Variants in KLF12 observed in about 807,000 individuals in gnomAD.
KLF12 encodes KLF transcription factor 12.
Under a neutral mutation model 37.8 loss-of-function variants are expected in KLF12, and 9 were observed. That is an observed-to-expected ratio of 0.24 (90% CI 0.14 to 0.42). The LOEUF (loss-of-function observed/expected upper bound fraction) is 0.42, where lower values mean the gene tolerates loss of function less well. KLF12 is among the 10% of genes least tolerant of loss of function. The probability of loss-of-function intolerance (pLI) is 1.00; values close to 1 mark genes in which losing one functional copy is unlikely to be tolerated. For missense variants in KLF12, 411 were observed against 516.0 expected (o/e 0.80, Z 1.97); for synonymous variants, 208 against 202.1 (o/e 1.03, Z -0.25).
the KLF12 span, among the ~76,000 whole-genome samples, chr13:74,150,194 C>T: frequency 2.0e-5 from 3 of 152,006 alleles, no homozygotes; most frequent in East Asian, 1.9e-4. Flanking sequence ...AGTTGATGCT[C>T]AATATATATC....
chr13:73,719,924 A>G (rs1876111662), intron 6 of KLF12, among the ~76,000 whole-genome samples: 3 of 152,114 alleles, frequency 2.0e-5, no homozygotes, highest in Admixed American at 2.0e-4. Flanking sequence ...AATGCTACAC[A>G]AAGTGGCTAG....
chr13:74,126,530 C>A (rs1406172944), intron 1 of KLF12, among the ~76,000 whole-genome samples: 1 of 152,112 alleles, frequency 6.6e-6, no homozygotes, highest in Middle Eastern at 3.2e-3. Flanking sequence ...TCACTTTCAG[C>A]ACATCTAATG....
chr13:73,827,301 A>G (rs561426294), intron 4 of KLF12, among the ~76,000 whole-genome samples: 18 of 152,344 alleles, frequency 1.2e-4, no homozygotes, highest in African/African-American at 3.8e-4. Flanking sequence ...CGGGGTGCCC[A>G]TATCAATTTT....
At chr13:73,927,888 T>C (rs1433581713) in intron 3 of KLF12, among the ~76,000 whole-genome samples, 1 of 134,458 alleles carries the variant, frequency 7.4e-6, no homozygotes, top group African/African-American at 2.9e-5. Context: ...AGACAGAGTC[T>C]CACTCTGTCA....
chr13:73,715,802 G>A (rs996700430), intron 6 of KLF12, among the ~76,000 whole-genome samples: 10 of 152,216 alleles, frequency 6.6e-5, no homozygotes, highest in Admixed American at 6.5e-4. Flanking sequence ...TGGTAGGTGA[G>A]TATTTCCTCA....
In KLF12 at chr13:73,877,139, A is replaced by AT. The variant is rs571694760; in HGVS notation, c.124-30767dup. Reference sequence around the variant, plus strand: ...TCTGTTCTTTCAGCAGTTATTCTCAATTTTTTTTAAACAAGTATAATTAAC... The same window carrying AT: ...TCTGTTCTTTCAGCAGTTATTCTCAATTTTTTTTTAAACAAGTATAATTAAC... On this transcript the variant is annotated intron_variant, in intron 3 of 7. Transcript: ENST00000377669. Among the ~76,000 whole-genome samples the AT allele has an allele frequency of 7.8e-4, 118 of 152,086 alleles. 1 individual carries two copies. Among genetic ancestry groups the AT allele is most frequent in the Admixed American group, 2.1e-3 (32 of 15,278 alleles).
At chr13:73,736,182 C>T (rs1877453122) in intron 6 of KLF12, among the ~76,000 whole-genome samples, 1 of 152,118 alleles carries the variant, frequency 6.6e-6, no homozygotes, top group Admixed American at 6.6e-5. Flanking sequence ...GCCTCTAACT[C>T]ACCTCTTGGT....
chr13:73,862,627 A>G (rs879565220), intron 3 of KLF12, among the ~76,000 whole-genome samples: 1 of 152,206 alleles, frequency 6.6e-6, no homozygotes, highest in Non-Finnish European at 1.5e-5. Context: ...AAAAGAGTCA[A>G]AAGGTTAAGT....
the KLF12 span, among the ~76,000 whole-genome samples, chr13:74,177,472 G>A: frequency 6.6e-6 from 1 of 152,218 alleles, no homozygotes; most frequent in South Asian, 2.1e-4. Context: ...GGAGGACGAC[G>A]GTGATGGAAG....
intron 1 of KLF12, among the ~76,000 whole-genome samples, chr13:74,038,165 C>T (rs775393548): frequency 3.9e-5 from 6 of 152,068 alleles, no homozygotes; most frequent in Non-Finnish European, 8.8e-5. Context: ...CACTGTATTA[C>T]GTCATGTAAG....
intron 2 of KLF12, among the ~76,000 whole-genome samples, chr13:73,974,320 A>AAAAAAAAAAAAAAAAT (rs397704620): frequency 2.8e-4 from 42 of 151,590 alleles, no homozygotes; most frequent in East Asian, 7.9e-4. Context: ...CAAAAAAAAA[A>AAAAAAAAAAAAAAAAT]GAATTCTGCA....
rs139514886 is a variant in KLF12, at chr13:74,078,780, T to C, written c.-32+54959A>G. On this transcript the variant is annotated intron_variant, in intron 1 of 7. Coordinates refer to ENST00000377669, the MANE Select transcript of KLF12 (RefSeq NM_007249.5). ...TTCCTGAGTTAAATTAAAACATTTA[T>C]AGCCTGGGAATTATAGGGGTATCCC... Among the ~76,000 whole-genome samples, 65 of 152,320 alleles carry C rather than the reference T, an allele frequency of 4.3e-4. No individual in the cohort carries two copies. The East Asian group carries it at 8.1e-3, about 19-fold the overall frequency.
chr13:73,703,847 G>T (rs1388736038), intron 7 of KLF12, among the ~76,000 whole-genome samples: 1 of 152,054 alleles, frequency 6.6e-6, no homozygotes, highest in Non-Finnish European at 1.5e-5. Context: ...GTCAGAACTG[G>T]GCACGGAGAC....
chr13:74,105,299 T>C (rs1421853024), intron 1 of KLF12, among the ~76,000 whole-genome samples: 1 of 152,202 alleles, frequency 6.6e-6, no homozygotes, highest in African/African-American at 2.4e-5. Flanking sequence ...ATGAGTTTTA[T>C]ATCTTCAAAA....
the KLF12 span, among the ~76,000 whole-genome samples, chr13:74,209,371 C>T: frequency 1.7e-4 from 26 of 151,980 alleles, 1 homozygote; most frequent in African/African-American, 2.4e-5. Context: ...TTACCATCTA[C>T]GATAAGCTTC....
intron 6 of KLF12, among the ~76,000 whole-genome samples, chr13:73,725,454 T>C (rs1296626039): frequency 1.3e-5 from 2 of 152,168 alleles, no homozygotes; most frequent in Non-Finnish European, 2.9e-5. Flanking sequence ...AGGAAACTTA[T>C]AATGATAAAC....
the KLF12 span, among the ~76,000 whole-genome samples, chr13:74,210,143 G>T: frequency 1.3e-5 from 2 of 152,286 alleles, no homozygotes; most frequent in African/African-American, 4.8e-5. Flanking sequence ...TGATCCAGGT[G>T]CTTCGTTAAT....
intron 1 of KLF12, among the ~76,000 whole-genome samples, chr13:74,020,909 G>A (rs920030985): frequency 6.0e-5 from 9 of 150,312 alleles, no homozygotes; most frequent in Admixed American, 4.0e-4. Flanking sequence ...AAAAAAAGAT[G>A]GAATGGGAAG....
chr13:73,850,050 A>T (rs1254649628), intron 3 of KLF12, among the ~76,000 whole-genome samples: 1 of 152,202 alleles, frequency 6.6e-6, no homozygotes, highest in African/African-American at 2.4e-5. Flanking sequence ...TAAAACTTAA[A>T]TTTTTATAAT....
Sources: allele counts gnomAD v4.1 joint callset (sites outside exome capture counted in the v4.1 genomes callset), GRCh38; gene constraint gnomAD v4.1.1; transcripts MANE v1.5; gene names NCBI Gene and HGNC (gene_info 2026-07-23, HGNC 2026-07-21).